The following RNF38 variants were observed in gnomAD, a reference collection of about 807,000 sequenced individuals.
The protein encoded by RNF38 is ring finger protein 38.
In RNF38, 15 loss-of-function variants were observed where a neutral mutation model predicts 67.2. The observed-to-expected ratio is 0.22, with a 90% CI of 0.15 to 0.34. The LOEUF is 0.34. RNF38 is among the 10% of genes least tolerant of loss of function. The pLI is 1.00. For missense variants in RNF38, 524 were observed against 639.9 expected, an observed-to-expected ratio of 0.82 and a Z score of 1.95; for synonymous variants, 220 against 218.8, an observed-to-expected ratio of 1.01 and a Z score of -0.05.
chr9:36,436,857 T>C (rs986762591), intron 1 of RNF38, among the ~76,000 whole-genome samples: 1 of 148,372 alleles, frequency 6.7e-6, no homozygotes, highest in Non-Finnish European at 1.5e-5. Context: ...AACATAAGTA[T>C]AATATAAAAT....
intron 1 of RNF38, among the ~76,000 whole-genome samples, chr9:36,440,531 CA>C (rs1336727056): frequency 1.4e-4 from 18 of 127,222 alleles, no homozygotes; most frequent in Non-Finnish European, 1.3e-4. Context: ...AACTCCATCT[CA>C]AAAAAAAAAG....
intron 1 of RNF38, among the ~76,000 whole-genome samples, chr9:36,483,854 T>C (rs749127310): frequency 6.6e-6 from 1 of 152,238 alleles, no homozygotes; most frequent in South Asian, 2.1e-4. Flanking sequence ...TGTTAAAATC[T>C]GTAAAACCTG....
chr9:36,400,558 G>A, upstream of RNF38: 2 of 988,328 alleles, frequency 2.0e-6, no homozygotes, highest in Non-Finnish European at 2.4e-6. Flanking sequence ...CAGTACCTGC[G>A]AGGGGAGGCT....
chr9:36,408,999 C>T (rs928358374), intron 2 of RNF38, among the ~76,000 whole-genome samples: 3 of 152,096 alleles, frequency 2.0e-5, no homozygotes, highest in African/African-American at 7.2e-5. Context: ...CCAGCCTGGC[C>T]AACATGGTAA....
intron 3 of RNF38, among the ~76,000 whole-genome samples, chr9:36,375,492 G>A (rs1835722399): frequency 6.6e-6 from 1 of 152,136 alleles, no homozygotes; most frequent in Admixed American, 6.5e-5. Flanking sequence ...ACTGTGCCAA[G>A]TCTCCATGGG....
At chr9:36,400,525 C>A, upstream of RNF38, 1 of 993,140 alleles carries the variant, frequency 1.0e-6, no homozygotes, top group Non-Finnish European at 1.2e-6. Context: ...CGCCCTCGCG[C>A]TGCAGCCAAC....
At chr9:36,368,731 T>C (rs554658245) in intron 4 of RNF38, among the ~76,000 whole-genome samples, 97 of 152,326 alleles carry the variant, frequency 6.4e-4, no homozygotes, top group Non-Finnish European at 1.0e-3. Flanking sequence ...ATTGTCACTA[T>C]GTGTTATTGT....
intron 2 of RNF38, among the ~76,000 whole-genome samples, chr9:36,418,918 A>AC (rs377564377): frequency 5.5e-4 from 84 of 152,012 alleles, no homozygotes; most frequent in African/African-American, 1.8e-3. Flanking sequence ...AGCCGAGATC[A>AC]CACCACTGCA....
intron 5 of RNF38, among the ~76,000 whole-genome samples, chr9:36,356,788 C>T (rs1834150439): frequency 6.6e-6 from 1 of 151,902 alleles, no homozygotes; most frequent in Non-Finnish European, 1.5e-5. Context: ...AGAGGAAACT[C>T]TCTCTAGTTG....
intron 2 of RNF38, among the ~76,000 whole-genome samples, chr9:36,422,264 A>G (rs1838648339): frequency 6.6e-6 from 1 of 151,854 alleles, no homozygotes; most frequent in South Asian, 2.1e-4. Flanking sequence ...CAAACATAAA[A>G]ATGCAAAAAA....
In RNF38 at chr9:36,427,174, C is replaced by T. The variant is rs574473037; in HGVS notation, n.242-2491G>A. 2.6e-5 allele frequency among the ~76,000 whole-genome samples: 4 copies of T among 152,284 alleles called. No individual in the cohort carries two copies. In the East Asian group the frequency reaches 7.7e-4, roughly 29 times the overall value. On this transcript the variant is annotated intron_variant and non_coding_transcript_variant, in intron 1 of 3. Transcript: ENST00000488058. ...TCTTTTCATCTTCCAGCATGCAGCA[C>T]ATTTCCTGACTCATGGCAAGTACTA... is the stretch of plus-strand genomic sequence containing the variant.
intron 9 of RNF38, among the ~76,000 whole-genome samples, chr9:36,346,571 A>C (rs1833256403): frequency 1.3e-5 from 2 of 152,162 alleles, no homozygotes; most frequent in Admixed American, 1.3e-4. Context: ...TCTCGCAATT[A>C]GTCTGCCTTT....
rs766489585 is a variant in RNF38 at position 36,397,024 on chromosome 9, T to TATATAC, written c.12+3072_12+3073insGTATAT. ...TTTGCTTTATATATGTGTGTGTGTGTGTATATACGTATATACGTATATACA... is the reference window on the plus strand; with the variant it reads ...TTTGCTTTATATATGTGTGTGTGTGTATATACGTATATACGTATATACGTATATACA... On this transcript the variant is annotated intron_variant, in intron 1 of 11. Coordinates refer to ENST00000259605, the MANE Select transcript of RNF38 (RefSeq NM_022781.5). Among the ~76,000 whole-genome samples the TATATAC allele has an allele frequency of 9.8e-3, 1,442 of 147,286 alleles. 17 individuals carry two copies. The highest frequency in any genetic ancestry group is 0.014 in the Middle Eastern group (4 of 286).
chr9:36,353,109 T>A, intron 7 of RNF38, 61 bp downstream of exon 7: 1 of 1,385,738 alleles, frequency 7.2e-7, no homozygotes, highest in South Asian at 1.2e-5. Flanking sequence ...TACTAAAACA[T>A]AACTCAGAAC....
At chr9:36,394,919 C>T (rs1837405653) in intron 1 of RNF38, among the ~76,000 whole-genome samples, 1 of 152,110 alleles carries the variant, frequency 6.6e-6, no homozygotes, top group African/African-American at 2.4e-5. Flanking sequence ...TACAGATTTG[C>T]TAACTCTGGC....
chr9:36,450,807 G>A (rs1303024130), intron 1 of RNF38, among the ~76,000 whole-genome samples: 1 of 152,148 alleles, frequency 6.6e-6, no homozygotes, highest in Non-Finnish European at 1.5e-5. Flanking sequence ...CCAGCTACTT[G>A]GGAGGCTGAG....
rs374608579 is a variant in RNF38 at position 36,415,022 on chromosome 9, G to C, written n.312+9591C>G. On this transcript the variant is annotated intron_variant and non_coding_transcript_variant, in intron 2 of 3. Transcript: ENST00000488058. ...AGTTAGCCTGATGACTGTGTGCCTA[G>C]GTGATAATCTTTTTGCAATGCATTT... is the stretch of plus-strand genomic sequence containing the variant. 7.4e-4 allele frequency among the ~76,000 whole-genome samples: 113 copies of C among 152,250 alleles called. 2 individuals carry two copies. The South Asian group carries it at 0.022, about 30-fold the overall frequency.
upstream of RNF38, chr9:36,400,548 C>T (rs1837937919): frequency 2.0e-6 from 2 of 989,426 alleles, no homozygotes; most frequent in Non-Finnish European, 2.4e-6. Context: ...CCGCGGCGGC[C>T]AGTACCTGCG....
At chr9:36,454,920 A>T (rs921016214) in intron 1 of RNF38, among the ~76,000 whole-genome samples, 1 of 152,208 alleles carries the variant, frequency 6.6e-6, no homozygotes, top group Non-Finnish European at 1.5e-5. Context: ...TCAAGGTTAT[A>T]TATTTATGCT....
Sources: gnomAD v4.1 joint callset for allele counts (sites outside exome capture counted in the v4.1 genomes callset) on GRCh38, gnomAD v4.1.1 for gene constraint, MANE v1.5 for transcripts, NCBI Gene and HGNC (gene_info 2026-07-23, HGNC 2026-07-21) for gene names.